The following VPS35L variants were observed in gnomAD, a reference collection of about 807,000 sequenced individuals.
VPS35L encodes VPS35 endosomal protein-sorting factor-like.
Under a neutral mutation model 133.0 loss-of-function variants are expected in VPS35L, and 83 were observed. The observed-to-expected ratio is 0.62, with a 90% CI of 0.52 to 0.75. The LOEUF (loss-of-function observed/expected upper bound fraction) is 0.75, where lower values mean the gene tolerates loss of function less well. Ranked by LOEUF, VPS35L falls within the 30% of genes least tolerant of loss-of-function variation. The pLI, the probability that VPS35L is intolerant of heterozygous loss-of-function variation, is 0.00. For synonymous variants in VPS35L, 423 were observed against 449.9 expected (o/e 0.94, Z 0.76); for missense variants, 1,083 against 1,206.8 (o/e 0.90, Z 1.52).
Position 19,616,121 on chromosome 16 carries a change from T to C in VPS35L, c.1031T>C (p.Met344Thr), listed in dbSNP as rs774465488. The part of the protein sequence containing the change: ...YARAYLCRVG[M>T]EVAPHLKETL... ...CCATTTGTCTGGCTGCAGGTGGGAA[T>C]GGAAGTGGCCCCACATCTCAAAGAA... is the stretch of plus-strand genomic sequence containing the variant. Residue 344 changes from methionine (M) to threonine (T), a missense_variant, in exon 13 of 31, where the codon ATG becomes ACG. Met to Thr is a moderately conservative substitution (Grantham distance 81). Coordinates refer to ENST00000417362, the MANE Select transcript of VPS35L (RefSeq NM_020314.7). The C allele has an allele frequency of 2.0e-5, 32 of 1,613,148 alleles. No homozygotes were observed. The East Asian group carries it at 2.5e-4, about 12-fold the overall frequency.
At chr16:19,581,743 G>C (rs766133841) in intron 7 of VPS35L, 90 bp downstream of exon 7, 15 of 1,430,190 alleles carry the variant, frequency 1.0e-5, no homozygotes, top group Non-Finnish European at 1.3e-5. Context: ...CTACCTGCAG[G>C]GTCTTACTCT....
intron 5 of VPS35L, among the ~76,000 whole-genome samples, chr16:19,576,241 C>G (rs1402222215): frequency 6.6e-6 from 1 of 150,908 alleles, no homozygotes; most frequent in Non-Finnish European, 1.5e-5. Context: ...TTAAGAATTA[C>G]AGAGGAAGTA....
At chr16:19,652,865 T>C (rs1974177769) in intron 26 of VPS35L, among the ~76,000 whole-genome samples, 1 of 152,232 alleles carries the variant, frequency 6.6e-6, no homozygotes, top group Non-Finnish European at 1.5e-5. Context: ...CCAAGACTGG[T>C]CTTTCCGTAC....
In VPS35L at chr16:19,633,151, A is replaced by C. The variant is rs1370789520; in HGVS notation, c.1614A>C (p.Ala538=). ...TCAAGCACATGACTCCAGATCGTGCATTTGAAGATTCCTACCCCCAGGTAA... is the reference window on the plus strand; with the variant it reads ...TCAAGCACATGACTCCAGATCGTGCCTTTGAAGATTCCTACCCCCAGGTAA... The part of the protein sequence containing the change: ...DVIKHMTPDR[A]FEDSYPQLQL... The change falls in exon 19 of 31, where the codon GCA becomes GCC. Residue 538 remains alanine, a synonymous_variant. Coordinates refer to ENST00000417362, the MANE Select transcript of VPS35L (RefSeq NM_020314.7). This position sits in a 1 kb window ranked among gnomAD's most constrained non-coding sequence, Gnocchi z 4.1. The C allele has an allele frequency of 3.1e-6, 5 of 1,614,190 alleles. No individual in the cohort carries two copies. In the South Asian group the frequency reaches 5.5e-5, roughly 18 times the overall value.
At chr16:19,609,656 T>C (rs1972647629) in intron 11 of VPS35L, among the ~76,000 whole-genome samples, 1 of 152,200 alleles carries the variant, frequency 6.6e-6, no homozygotes, top group Non-Finnish European at 1.5e-5. Context: ...ATAAATTCCT[T>C]GAAGCCCGGG....
At chr16:19,597,911 C>G (rs1187375844) in intron 8 of VPS35L, among the ~76,000 whole-genome samples, 1 of 152,188 alleles carries the variant, frequency 6.6e-6, no homozygotes, top group Non-Finnish European at 1.5e-5. Context: ...AGTATAGGGA[C>G]AGGTGTTTCA....
intron 28 of VPS35L, among the ~76,000 whole-genome samples, chr16:19,686,449 T>C (rs1019176918): frequency 1.3e-5 from 2 of 152,210 alleles, no homozygotes; most frequent in African/African-American, 4.8e-5. Context: ...TCAATGTTTA[T>C]GTATTTAGTA....
At chr16:19,686,364 C>A (rs886892771) in intron 28 of VPS35L, among the ~76,000 whole-genome samples, 2 of 152,178 alleles carry the variant, frequency 1.3e-5, no homozygotes, top group East Asian at 1.9e-4. Flanking sequence ...CTGGAGCAAT[C>A]CCTCCGGTGC....
At position 19,669,234 on chromosome 16, in the gene VPS35L, C is replaced by T. The variant is rs867130716; in HGVS notation, c.2296C>T (p.Arg766Trp). The T allele has an allele frequency of 6.8e-6, 11 of 1,612,570 alleles. No individual in the cohort carries two copies. Among genetic ancestry groups the T allele is most frequent in the Non-Finnish European group, 8.5e-6 (10 of 1,179,022 alleles). The change falls in exon 27 of 31, where the codon CGG (arginine) becomes TGG (tryptophan). Residue 766 changes from arginine (R) to tryptophan (W), a missense_variant. By Grantham distance (101) the Arg-to-Trp change is moderately radical. Transcript: ENST00000417362. ...GATGATTAATATTGATGGGAAGATG[C>T]GGCCATCGGAATCGTTCCTTCTGGA... is the stretch of plus-strand genomic sequence containing the variant. The part of the protein sequence containing the change: ...PKMINIDGKM[R>W]PSESFLLEFL...
At chr16:19,657,113 G>A (rs1974331970) in intron 26 of VPS35L, among the ~76,000 whole-genome samples, 1 of 151,840 alleles carries the variant, frequency 6.6e-6, no homozygotes, top group Non-Finnish European at 1.5e-5. Context: ...CTACAGGCGT[G>A]CACCACCACA....
intron 7 of VPS35L, among the ~76,000 whole-genome samples, chr16:19,583,671 G>A (rs1434315251): frequency 6.6e-6 from 1 of 150,858 alleles, no homozygotes; most frequent in African/African-American, 2.4e-5. Context: ...GCAGTGAGCC[G>A]AGATCGCACT....
In VPS35L at chr16:19,623,814, A is replaced by G. The variant is rs1259197931; in HGVS notation, c.1225-2363A>G. 7.0e-5 allele frequency among the ~76,000 whole-genome samples: 4 copies of G among 56,918 alleles called. No individual in the cohort carries two copies. The South Asian group carries it at 1.5e-3, about 21-fold the overall frequency. 37.3% of individuals were successfully genotyped at this position (56,918 alleles called of 152,430 possible). ...TATTATTATTATTATTATTATTATT[A>G]TTGTTTTAAGACAGGGTCTTGCTCT... On this transcript the variant is annotated intron_variant, in intron 14 of 30. Coordinates refer to ENST00000417362, the MANE Select transcript of VPS35L (RefSeq NM_020314.7).
rs1555506168 is a variant in VPS35L at position 19,666,927 on chromosome 16, T to TCTTTCTTCCTTTCTTC, written c.2222-2193_2222-2178dup. Among the ~76,000 whole-genome samples, 274 of 62,952 alleles carry TCTTTCTTCCTTTCTTC rather than the reference T, an allele frequency of 4.4e-3. 6 individuals are homozygous for TCTTTCTTCCTTTCTTC. The highest frequency in any genetic ancestry group is 9.0e-3 in the South Asian group (15 of 1,664). The allele number at this position is 62,952 out of a possible 152,430, so 41.3% of individuals were successfully genotyped here. A position where few individuals can be genotyped will look rare whatever the true frequency, so the allele number is the denominator to read the frequency against. On this transcript the variant is annotated intron_variant, in intron 26 of 30. Coordinates refer to ENST00000417362, the MANE Select transcript of VPS35L (RefSeq NM_020314.7). Reference sequence around the variant, plus strand: ...TTCTTTCTTTCTTTCTTTCTTTCTTTCTTTCTTCCTTTCTTCCTTTCTTCC... The same window carrying TCTTTCTTCCTTTCTTC: ...TTCTTTCTTTCTTTCTTTCTTTCTTTCTTTCTTCCTTTCTTCCTTTCTTCCTTTCTTCCTTTCTTCC...
chr16:19,580,556 G>A (rs1441113140), intron 6 of VPS35L, among the ~76,000 whole-genome samples: 4 of 152,072 alleles, frequency 2.6e-5, no homozygotes, highest in African/African-American at 9.7e-5. Flanking sequence ...AATAGCCCAG[G>A]GTTAAGGAGC....
At chr16:19,649,991 G>A (rs1181670886) in intron 24 of VPS35L, among the ~76,000 whole-genome samples, 1 of 152,032 alleles carries the variant, frequency 6.6e-6, no homozygotes, top group Non-Finnish European at 1.5e-5. Context: ...TGAATGGTGT[G>A]GTCTGATTGT....
intron 26 of VPS35L, among the ~76,000 whole-genome samples, chr16:19,654,922 C>T (rs1974251031): frequency 6.6e-6 from 1 of 152,094 alleles, no homozygotes; most frequent in Admixed American, 6.5e-5. Flanking sequence ...TAATTAGATC[C>T]CATGTAGGGC....
chr16:19,562,059 C>T (rs1024361000), intron 1 of VPS35L, among the ~76,000 whole-genome samples: 1 of 152,030 alleles, frequency 6.6e-6, no homozygotes, highest in Non-Finnish European at 1.5e-5. Flanking sequence ...GAGCTGAGAT[C>T]GCACCACTGC....
chr16:19,585,474 C>T (rs1971836048), intron 7 of VPS35L, among the ~76,000 whole-genome samples: 1 of 150,026 alleles, frequency 6.7e-6, no homozygotes, highest in South Asian at 2.1e-4. Flanking sequence ...GTAATCATAG[C>T]TCACTCCAGC....
chr16:19,697,441 C>G (rs1003203232), intron 29 of VPS35L, among the ~76,000 whole-genome samples: 1 of 152,134 alleles, frequency 6.6e-6, no homozygotes, highest in Admixed American at 6.5e-5. Flanking sequence ...CTCAAGTGAT[C>G]CTCCAGCCTC....
Sources: gnomAD v4.1 joint callset for allele counts (sites outside exome capture counted in the v4.1 genomes callset) on GRCh38, gnomAD v4.1.1 for gene constraint, Gnocchi (gnomAD v3.1) non-coding constraint, MANE v1.5 for transcripts, NCBI Gene and HGNC (gene_info 2026-07-23, HGNC 2026-07-21) for gene names.